The following ZNG1A variants were observed in gnomAD, a reference collection of about 807,000 sequenced individuals.
ZNG1A encodes the protein Zn regulated GTPase metalloprotein activator 1A.
At chr9:146,392 C>G in the ZNG1A span, 4 of 377,820 alleles carry the variant, frequency 1.1e-5, no homozygotes, top group South Asian at 1.8e-4. Context: ...AATTTATGAG[C>G]TTTTCAAATA....
chr9:147,233 C>T, the ZNG1A span: 284 of 135,162 alleles, frequency 2.1e-3, 2 homozygotes, highest in African/African-American at 8.3e-3. Context: ...ATAATCAAAG[C>T]TAAGGTGAAG....
At chr9:157,830 GAAT>G in the ZNG1A span, among the ~76,000 whole-genome samples, 1 of 150,626 alleles carries the variant, frequency 6.6e-6, no homozygotes, top group Non-Finnish European at 1.5e-5. Context: ...AGGGGTATCT[GAAT>G]AGTTTGGAAC....
chr9:139,559 C>G, the ZNG1A span, among the ~76,000 whole-genome samples: 5 of 152,178 alleles, frequency 3.3e-5, no homozygotes, highest in African/African-American at 1.2e-4. Flanking sequence ...TACTGATGCA[C>G]AAGAATAACT....
the ZNG1A span, among the ~76,000 whole-genome samples, chr9:158,577 G>C: frequency 1.3e-5 from 2 of 150,874 alleles, no homozygotes; most frequent in Non-Finnish European, 2.9e-5. Context: ...TACAATGTTA[G>C]TTTCACAAGG....
At chr9:145,985 A>G in the ZNG1A span, 2 of 922,224 alleles carry the variant, frequency 2.2e-6, no homozygotes, top group Non-Finnish European at 3.2e-6. Flanking sequence ...ATGGTCTTGT[A>G]TGCCAAAGGA....
At chr9:127,780 T>G in the ZNG1A span, among the ~76,000 whole-genome samples, 1 of 152,232 alleles carries the variant, frequency 6.6e-6, no homozygotes, top group Non-Finnish European at 1.5e-5. Context: ...ATTGTATTTT[T>G]GTTTTATACG....
chr9:144,784 T>C, the ZNG1A span, among the ~76,000 whole-genome samples: 3 of 151,088 alleles, frequency 2.0e-5, no homozygotes, highest in African/African-American at 4.9e-5. Flanking sequence ...AGAAAATTTT[T>C]GCAACCTACT....
the ZNG1A span, chr9:149,383 T>C: frequency 1.3e-5 from 2 of 151,550 alleles, no homozygotes; most frequent in African/African-American, 4.9e-5. Context: ...AATTCAAAGG[T>C]CCCTGGAATA....
the ZNG1A span, chr9:147,627 A>C: frequency 1.4e-5 from 2 of 147,018 alleles, no homozygotes; most frequent in East Asian, 3.9e-4. Context: ...TCAAGCAAAG[A>C]AGCAAATGTT....
the ZNG1A span, among the ~76,000 whole-genome samples, chr9:124,145 CTTT>C: frequency 1.3e-5 from 2 of 151,882 alleles, no homozygotes; most frequent in African/African-American, 4.8e-5. Flanking sequence ...TATTTTTCTT[CTTT>C]ATCTTGATAA....
At chr9:155,943 T>TA in the ZNG1A span, among the ~76,000 whole-genome samples, 2 of 146,132 alleles carry the variant, frequency 1.4e-5, no homozygotes, top group Non-Finnish European at 3.0e-5. Context: ...CCATCTCTAC[T>TA]AAAAAAAATA....
the ZNG1A span, among the ~76,000 whole-genome samples, chr9:133,756 A>T: frequency 6.8e-6 from 1 of 148,148 alleles, no homozygotes; most frequent in Non-Finnish European, 1.5e-5. Context: ...TGAGAAACGC[A>T]GCTTTTCATT....
the ZNG1A span, among the ~76,000 whole-genome samples, chr9:140,791 G>GA: frequency 6.6e-6 from 1 of 150,830 alleles, no homozygotes; most frequent in African/African-American, 2.4e-5. Flanking sequence ...TGAAAACTTT[G>GA]AAAAAAATTT....
At chr9:172,139 C>T in the ZNG1A span, 44 of 1,611,148 alleles carry the variant, frequency 2.7e-5, no homozygotes, top group Non-Finnish European at 3.5e-5. Context: ...CCTTCTTTTG[C>T]ATCAAATTCT....
the ZNG1A span, among the ~76,000 whole-genome samples, chr9:140,881 C>A: frequency 7.0e-5 from 10 of 142,924 alleles, no homozygotes; most frequent in African/African-American, 1.3e-4. Flanking sequence ...GGCTCGAGAA[C>A]TACGTGAAGA....
At chr9:148,036 A>G in the ZNG1A span, 1 of 149,980 alleles carries the variant, frequency 6.7e-6, no homozygotes, top group African/African-American at 2.5e-5. Flanking sequence ...AACCAGAGTG[A>G]GATTCTGTCT....
the ZNG1A span, among the ~76,000 whole-genome samples, chr9:177,388 G>C: frequency 6.6e-6 from 1 of 151,972 alleles, no homozygotes; most frequent in African/African-American, 2.4e-5. Context: ...ATTCCAAATG[G>C]TTGGGATCAC....
the ZNG1A span, chr9:121,607 T>C: frequency 1.3e-6 from 2 of 1,582,660 alleles, no homozygotes; most frequent in Admixed American, 3.3e-5. Flanking sequence ...GTGATTACAT[T>C]ATGCTTATTA....
the ZNG1A span, among the ~76,000 whole-genome samples, chr9:165,692 A>G: frequency 2.4e-5 from 2 of 83,956 alleles, no homozygotes; most frequent in East Asian, 6.8e-4. Context: ...CACAACAAAT[A>G]ATTATCCAAC....
Sources: allele counts gnomAD v4.1 joint callset (sites outside exome capture counted in the v4.1 genomes callset), GRCh38; gene constraint gnomAD v4.1.1; transcripts MANE v1.5; gene names NCBI Gene and HGNC (gene_info 2026-07-23, HGNC 2026-07-21).